Variants in FHOD3 observed in about 807,000 individuals in gnomAD.
The protein encoded by FHOD3 is FH1/FH2 domain-containing protein 3.
In FHOD3, 90 loss-of-function variants were observed where a neutral mutation model predicts 173.0. The ratio of observed to expected loss-of-function variants is 0.52; its 90% CI spans 0.44 to 0.62. FHOD3 has a LOEUF of 0.62. Ranked by LOEUF, FHOD3 falls within the 20% of genes least tolerant of loss-of-function variation. The probability of loss-of-function intolerance (pLI) is 0.00; values close to 1 mark genes in which losing one functional copy is unlikely to be tolerated. For synonymous variants in FHOD3, 828 were observed against 823.0 expected (o/e 1.01, Z -0.10); for missense variants, 1,945 against 2,034.7 (o/e 0.96, Z 0.85).
intron 3 of FHOD3, among the ~76,000 whole-genome samples, chr18:36,437,682 T>TTTTTAA (rs71168224): frequency 1.5e-5 from 2 of 129,618 alleles, no homozygotes; most frequent in African/African-American, 5.6e-5. Context: ...TTTTTTTTTT[T>TTTTTAA]AAGACAGAGT....
chr18:36,466,809 C>T (rs922006515), intron 3 of FHOD3, among the ~76,000 whole-genome samples: 12 of 151,542 alleles, frequency 7.9e-5, no homozygotes, highest in African/African-American at 1.7e-4. Flanking sequence ...CAGAGACATA[C>T]GTTAAGTAAG....
chr18:36,766,923 A>G (rs2043163942), intron 27 of FHOD3, among the ~76,000 whole-genome samples: 1 of 152,200 alleles, frequency 6.6e-6, no homozygotes, highest in Non-Finnish European at 1.5e-5. Context: ...GATAAGACAA[A>G]ATTATAAATC....
Position 36,718,373 on chromosome 18 carries a change from C to T in FHOD3, c.3075C>T (p.Pro1025=), listed in dbSNP as rs768348073. The T allele has an allele frequency of 4.4e-6, 7 of 1,589,088 alleles. No homozygotes were observed. The highest frequency in any genetic ancestry group is 4.1e-4 in the Middle Eastern group (2 of 4,842). Residue 1025 remains proline, a synonymous_variant, in exon 19 of 29, where the codon CCC becomes CCT. Coordinates refer to ENST00000590592, the MANE Select transcript of FHOD3 (RefSeq NM_001281740.3). ...AGGCCCCTGGGCCACCTCCCCCACCCCCACCCACCTTTCTGGGTTTGCCGC... is the reference window on the plus strand; with the variant it reads ...AGGCCCCTGGGCCACCTCCCCCACCTCCACCCACCTTTCTGGGTTTGCCGC... ...HREAPGPPPP[P]PPTFLGLPPP...
rs753926567 is a variant in FHOD3, at chr18:36,389,182, AAAAG to A, written c.337+16441_337+16444del. On this transcript the variant is annotated intron_variant, in intron 3 of 28. Transcript: ENST00000590592. Reference sequence around the variant, plus strand: ...TAAAGATGCATTGATGCTTCAAAAAAAAAGAAGAAGAAGAAGAGGAAGAAGAAGA... The same window carrying A: ...TAAAGATGCATTGATGCTTCAAAAAAAAGAAGAAGAAGAGGAAGAAGAAGA... 4.6e-4 allele frequency among the ~76,000 whole-genome samples: 70 copies of A among 152,342 alleles called. 1 individual carries two copies. The highest frequency in any genetic ancestry group is 2.2e-3 in the Admixed American group (33 of 15,304).
In FHOD3 at chr18:36,742,818, A is replaced by G. The variant is rs1193859645; in HGVS notation, c.3841A>G (p.Thr1281Ala). The change falls in exon 22 of 29, where the codon ACT becomes GCT. Residue 1281 changes from threonine to alanine, a missense_variant. Physicochemically the swap from Thr to Ala is moderately conservative, Grantham distance 58. Coordinates refer to ENST00000590592, the MANE Select transcript of FHOD3 (RefSeq NM_001281740.3). ...NNKTLGFILS[T>A]LLAIGNFLNG... ...TAAAACCTTGGGCTTTATCCTGTCT[A>G]CTCTCTTAGCCATTGGGAACTTTCT... 6.2e-7 allele frequency: 1 copy of G among 1,613,880 alleles called. No individual in the cohort carries two copies. Among genetic ancestry groups the G allele is most frequent in the Non-Finnish European group, 8.5e-7 (1 of 1,179,938 alleles).
chr18:36,313,210 G>A (rs1449645645), intron 1 of FHOD3, among the ~76,000 whole-genome samples: 1 of 152,186 alleles, frequency 6.6e-6, no homozygotes, highest in Non-Finnish European at 1.5e-5. Context: ...AATCACCAGG[G>A]CTGGCCCTCA....
chr18:36,700,317 C>A (rs1212196332), intron 17 of FHOD3, among the ~76,000 whole-genome samples: 1 of 152,190 alleles, frequency 6.6e-6, no homozygotes, highest in Non-Finnish European at 1.5e-5. Flanking sequence ...TCAGACCCAC[C>A]AAGTGCCAGG....
At chr18:36,324,704 G>A (rs1027869489) in intron 1 of FHOD3, among the ~76,000 whole-genome samples, 5 of 152,174 alleles carry the variant, frequency 3.3e-5, no homozygotes, top group Admixed American at 6.5e-5. Flanking sequence ...ATGTAAAAGC[G>A]TGATAATCTT....
At chr18:36,463,865 A>G (rs547872394) in intron 3 of FHOD3, among the ~76,000 whole-genome samples, 2 of 152,348 alleles carry the variant, frequency 1.3e-5, no homozygotes, top group Non-Finnish European at 1.5e-5. Flanking sequence ...CTTAGGAGAC[A>G]CTAGAAGTTG....
At chr18:36,532,102 T>C (rs778926051) in intron 5 of FHOD3, among the ~76,000 whole-genome samples, 3 of 152,236 alleles carry the variant, frequency 2.0e-5, no homozygotes, top group Non-Finnish European at 4.4e-5. Flanking sequence ...CATGCAGCCA[T>C]TGGAGGAAAA....
chr18:36,385,944 TTAA>T (rs2048013513), intron 3 of FHOD3, among the ~76,000 whole-genome samples: 1 of 152,170 alleles, frequency 6.6e-6, no homozygotes, highest in African/African-American at 2.4e-5. Context: ...TGAAAAGGAA[TTAA>T]AACACCACAA....
At chr18:36,384,125 G>A (rs759311201) in intron 3 of FHOD3, among the ~76,000 whole-genome samples, 2 of 152,076 alleles carry the variant, frequency 1.3e-5, no homozygotes, top group African/African-American at 2.4e-5. Flanking sequence ...GGATTAGGCC[G>A]AGTGTGGTGG....
At chr18:36,428,708 A>G (rs2050381672) in intron 3 of FHOD3, among the ~76,000 whole-genome samples, 1 of 152,108 alleles carries the variant, frequency 6.6e-6, no homozygotes, top group Non-Finnish European at 1.5e-5. Flanking sequence ...CTAAGAATTT[A>G]TTGCTCTTTG....
At chr18:36,648,528 G>A (rs1041935809) in intron 10 of FHOD3, among the ~76,000 whole-genome samples, 9 of 152,286 alleles carry the variant, frequency 5.9e-5, no homozygotes, top group African/African-American at 1.9e-4. Context: ...TTAGTGAAAG[G>A]CTAGGGTAGA....
chr18:36,761,584 C>T (rs1197721230), intron 27 of FHOD3, among the ~76,000 whole-genome samples: 7 of 152,156 alleles, frequency 4.6e-5, no homozygotes, highest in African/African-American at 1.7e-4. Context: ...GTCCTAGAGT[C>T]CCCGCTCTTC....
intron 6 of FHOD3, among the ~76,000 whole-genome samples, chr18:36,591,261 G>T (rs557790523): frequency 6.6e-6 from 1 of 152,178 alleles, no homozygotes; most frequent in South Asian, 2.1e-4. Context: ...GATACTCTCC[G>T]AAGAGTTCCC....
intron 5 of FHOD3, among the ~76,000 whole-genome samples, chr18:36,566,133 G>C (rs568048488): frequency 2.6e-4 from 40 of 152,300 alleles, no homozygotes; most frequent in African/African-American, 9.1e-4. Flanking sequence ...TTTAAGAGCT[G>C]TTTGTGCAAA....
chr18:36,610,086 G>T (rs73948085), intron 8 of FHOD3, among the ~76,000 whole-genome samples: 1 of 152,184 alleles, frequency 6.6e-6, no homozygotes, highest in Non-Finnish European at 1.5e-5. Flanking sequence ...AGAAGAAGGT[G>T]GGGGAACGAG....
rs541585800 is a variant in FHOD3, at chr18:36,475,859, G to C, written c.338-26073G>C. On this transcript the variant is annotated intron_variant, in intron 3 of 28. Transcript: ENST00000590592. ...AAATTGCAGCATTTTTTCACAGTGC[G>C]AATGAATTGCTTTTGTAATCAAGAA... 6.0e-5 allele frequency among the ~76,000 whole-genome samples: 9 copies of C among 151,078 alleles called. No homozygotes were observed. In the South Asian group the frequency reaches 1.9e-3, roughly 32 times the overall value.
Sources: gnomAD v4.1 joint callset for allele counts (sites outside exome capture counted in the v4.1 genomes callset) on GRCh38, gnomAD v4.1.1 for gene constraint, MANE v1.5 for transcripts, NCBI Gene and HGNC (gene_info 2026-07-23, HGNC 2026-07-21) for gene names.